Variants in STAT4 observed in about 807,000 individuals in gnomAD.
STAT4 encodes the protein signal transducer and activator of transcription 4.
A neutral mutation model predicts 110.5 loss-of-function variants in STAT4; 42 were observed. That is an observed-to-expected ratio of 0.38 (90% CI 0.30 to 0.49). The LOEUF (loss-of-function observed/expected upper bound fraction) is 0.49, where lower values mean the gene tolerates loss of function less well. STAT4 is among the 20% of genes least tolerant of loss of function. The pLI is 0.95. For synonymous variants in STAT4, 284 were observed against 302.2 expected, an observed-to-expected ratio of 0.94 and a Z score of 0.63; for missense variants, 632 against 887.9, an observed-to-expected ratio of 0.71 and a Z score of 3.66.
At chr2:191,131,880 T>C in intron 3 of STAT4, 1 of 1,455,892 alleles carries the variant, frequency 6.9e-7, no homozygotes, top group Non-Finnish European at 9.1e-7. Context: ...AGGGCAGCTG[T>C]GCTGTAGCCA....
chr2:191,129,171 G>A (rs1448275025), intron 3 of STAT4, among the ~76,000 whole-genome samples: 1 of 152,072 alleles, frequency 6.6e-6, no homozygotes, highest in African/African-American at 2.4e-5. Context: ...CACAGAAAGT[G>A]TAAAAATGAA....
At position 191,066,897 on chromosome 2, in the gene STAT4, CT is replaced by C. The variant is rs1697003553; in HGVS notation, c.545-383del. Reference sequence around the variant, plus strand: ...AAAGCAGGGATCACCCTTTGTGCCCCTGATTAAATCATATTTGACTCTCTGT... The same window carrying C: ...AAAGCAGGGATCACCCTTTGTGCCCCGATTAAATCATATTTGACTCTCTGT... On this transcript the variant is annotated intron_variant, in intron 6 of 23. Transcript: ENST00000392320. The surrounding 1 kb of genome is among the most constrained non-coding windows in gnomAD (Gnocchi z 4.3). Among the ~76,000 whole-genome samples, 1 of 152,016 alleles carries C rather than the reference CT, an allele frequency of 6.6e-6. No homozygotes were observed. Among genetic ancestry groups the C allele is most frequent in the South Asian group, 2.1e-4 (1 of 4,818 alleles).
chr2:191,118,136 G>A (rs888903179), intron 3 of STAT4, among the ~76,000 whole-genome samples: 1 of 152,164 alleles, frequency 6.6e-6, no homozygotes, highest in Non-Finnish European at 1.5e-5. Context: ...GAATTGGCAC[G>A]TTACTAAAGG....
chr2:191,088,319 T>C (rs1697695865), intron 3 of STAT4, among the ~76,000 whole-genome samples: 1 of 152,206 alleles, frequency 6.6e-6, no homozygotes, highest in South Asian at 2.1e-4. Context: ...GCTACTCATA[T>C]TAGCACAAAA....
Position 191,058,624 on chromosome 2 carries a change from C to A in STAT4, c.1094+86G>T. The A allele has an allele frequency of 1.2e-6, 1 of 816,738 alleles. No homozygotes were observed. The highest frequency in any genetic ancestry group is 1.8e-5 in the South Asian group (1 of 56,608). The allele number at this position is 816,738 out of a possible 1,614,324, so 50.6% of individuals were successfully genotyped here. A position where few individuals can be genotyped will look rare whatever the true frequency, so the allele number is the denominator to read the frequency against. ...TGTTAGATAAGTAAATTTAAAAGTT[C>A]AAAATTATTCTATAAAATAAAGGCC... is the stretch of plus-strand genomic sequence containing the variant. On this transcript the variant is annotated intron_variant, in intron 11 of 23. Transcript: ENST00000392320. This position sits in a 1 kb window ranked among gnomAD's most constrained non-coding sequence, Gnocchi z 4.3.
Position 191,061,073 on chromosome 2 carries a change from G to A in STAT4, c.1034+656C>T, listed in dbSNP as rs532060914. On this transcript the variant is annotated intron_variant, in intron 10 of 23. Transcript: ENST00000392320. This position sits in a 1 kb window ranked among gnomAD's most constrained non-coding sequence, Gnocchi z 6.2. ...TAAGAACTCAAACTCATTGTTCTCA[G>A]CATCATTAGGGAAAACTGTAAGTTT... 5.3e-5 allele frequency among the ~76,000 whole-genome samples: 8 copies of A among 152,270 alleles called. No individual in the cohort carries two copies. The South Asian group carries it at 1.7e-3, about 32-fold the overall frequency.
intron 5 of STAT4, among the ~76,000 whole-genome samples, chr2:191,070,734 CA>C (rs1291938498): frequency 6.6e-6 from 1 of 151,596 alleles, no homozygotes; most frequent in African/African-American, 2.4e-5. Context: ...TGATTGGTTA[CA>C]AAAAGTATAG....
chr2:191,092,768 G>T (rs1413310022), intron 3 of STAT4, among the ~76,000 whole-genome samples: 2 of 152,198 alleles, frequency 1.3e-5, no homozygotes, highest in African/African-American at 4.8e-5. Context: ...AAGTGCGAAG[G>T]GTCGGGGGAT....
chr2:191,052,263 T>C (rs754852706), intron 14 of STAT4, among the ~76,000 whole-genome samples: 1 of 152,216 alleles, frequency 6.6e-6, no homozygotes, highest in South Asian at 2.1e-4. Context: ...ACTAGTCAAC[T>C]GTTACTGCTG....
chr2:191,121,423 T>C (rs1302651794), intron 3 of STAT4, among the ~76,000 whole-genome samples: 1 of 152,164 alleles, frequency 6.6e-6, no homozygotes, highest in African/African-American at 2.4e-5. Context: ...CATTACTGGG[T>C]ATATACCCAA....
chr2:191,054,336 C>T (rs979463350), intron 14 of STAT4, among the ~76,000 whole-genome samples, 154 bp downstream of exon 14: 4 of 152,054 alleles, frequency 2.6e-5, no homozygotes, highest in African/African-American at 9.6e-5. Flanking sequence ...TGAAAAACTT[C>T]CTCATATTGT....
intron 3 of STAT4, among the ~76,000 whole-genome samples, chr2:191,084,726 CT>C (rs1559059869): frequency 6.6e-6 from 1 of 151,898 alleles, no homozygotes; most frequent in Non-Finnish European, 1.5e-5. Flanking sequence ...TTTAAATGGA[CT>C]TTTTTAGTTT....
intron 3 of STAT4, among the ~76,000 whole-genome samples, chr2:191,136,997 C>T (rs184558280): frequency 1.7e-4 from 26 of 150,304 alleles, no homozygotes; most frequent in South Asian, 8.6e-4. Flanking sequence ...ATAAATTTAA[C>T]GAAGAAAGTG....
intron 5 of STAT4, among the ~76,000 whole-genome samples, chr2:191,070,136 T>C (rs1697101427): frequency 6.6e-6 from 1 of 152,216 alleles, no homozygotes. Context: ...TCTGTACTAA[T>C]GTATCAATGA....
chr2:191,124,268 A>G (rs1247328361), intron 3 of STAT4, among the ~76,000 whole-genome samples: 1 of 152,088 alleles, frequency 6.6e-6, no homozygotes, highest in Non-Finnish European at 1.5e-5. Context: ...CATCCTGGCC[A>G]ACATGGTGAA....
chr2:191,089,779 T>C (rs943191319), intron 3 of STAT4, among the ~76,000 whole-genome samples: 2 of 152,220 alleles, frequency 1.3e-5, no homozygotes, highest in Non-Finnish European at 2.9e-5. Flanking sequence ...ACATGCATAT[T>C]ACCAAGTAAA....
Position 191,116,001 on chromosome 2 carries a change from G to A in STAT4, c.273+30612C>T, listed in dbSNP as rs778829069. Among the ~76,000 whole-genome samples the A allele has an allele frequency of 2.0e-4, 31 of 152,240 alleles. No individual in the cohort carries two copies. Among genetic ancestry groups the A allele is most frequent in the Non-Finnish European group, 3.1e-4 (21 of 67,998 alleles). On this transcript the variant is annotated intron_variant, in intron 3 of 23. Transcript: ENST00000392320. The surrounding 1 kb of genome is among the most constrained non-coding windows in gnomAD (Gnocchi z 4.1). ...TACTGCTTACTTCCTGCAGGAGTAA[G>A]GTATTAGTCATATGGTACGTTTGGT...
chr2:191,044,229 C>T (rs1696285960), intron 14 of STAT4, among the ~76,000 whole-genome samples: 1 of 151,922 alleles, frequency 6.6e-6, no homozygotes, highest in Non-Finnish European at 1.5e-5. Flanking sequence ...ATGGCTGGCA[C>T]AATAAATAAA....
chr2:191,134,489 T>C (rs1034132664), intron 3 of STAT4, among the ~76,000 whole-genome samples: 3 of 152,188 alleles, frequency 2.0e-5, no homozygotes, highest in African/African-American at 4.8e-5. Flanking sequence ...GCCTAAATAC[T>C]GGCCCACCTG....
Sources: allele counts gnomAD v4.1 joint callset (sites outside exome capture counted in the v4.1 genomes callset), GRCh38; gene constraint gnomAD v4.1.1; non-coding constraint Gnocchi (gnomAD v3.1); transcripts MANE v1.5; gene names NCBI Gene and HGNC (gene_info 2026-07-23, HGNC 2026-07-21).